SLC1A2: variants seen among roughly 807,000 people sequenced by gnomAD.
SLC1A2 encodes the protein solute carrier family 1 member 2, also known as excitatory amino acid transporter 2.
SLC1A2 carries 15 observed loss-of-function variants against 48.8 expected under a neutral mutation model. The observed-to-expected ratio is 0.31, with a 90% CI of 0.21 to 0.47. The LOEUF (loss-of-function observed/expected upper bound fraction) is 0.47. Ranked by LOEUF, SLC1A2 falls within the 20% of genes least tolerant of loss-of-function variation. The pLI is 0.99. For missense variants in SLC1A2, 502 were observed against 730.5 expected (o/e 0.69, Z 3.61); for synonymous variants, 279 against 272.6 (o/e 1.02, Z -0.23).
chr11:35,304,544 G>C (rs1333901936), intron 5 of SLC1A2, among the ~76,000 whole-genome samples: 1 of 152,096 alleles, frequency 6.6e-6, no homozygotes, highest in African/African-American at 2.4e-5. Context: ...ACCTCCCACT[G>C]GTTGTTAAAC....
At chr11:35,399,070 C>T (rs1855061722) in intron 1 of SLC1A2, among the ~76,000 whole-genome samples, 1 of 152,188 alleles carries the variant, frequency 6.6e-6, no homozygotes, top group African/African-American at 2.4e-5. Context: ...AGTTTATTTG[C>T]ATCAGCCTGC....
In SLC1A2 at chr11:35,363,301, G is replaced by A. The variant is rs114990732; in HGVS notation, c.18-45785C>T. Among the ~76,000 whole-genome samples, 444 of 152,318 alleles carry A rather than the reference G, an allele frequency of 2.9e-3. 1 individual carries two copies. Among genetic ancestry groups the A allele is most frequent in the African/African-American group, 0.01 (417 of 41,580 alleles). ...GACAATTTTGGGGTTGTTCCAGACC[G>A]TGGATGTCTGAGTAGGAGGCAGACA... On this transcript the variant is annotated intron_variant, in intron 1 of 10. Coordinates refer to ENST00000278379, the MANE Select transcript of SLC1A2 (RefSeq NM_004171.4).
At chr11:35,414,960 G>A (rs1179762568) in intron 1 of SLC1A2, among the ~76,000 whole-genome samples, 2 of 152,162 alleles carry the variant, frequency 1.3e-5, no homozygotes, top group Admixed American at 6.5e-5. Context: ...CAGACATCAG[G>A]GCATTGTGTG....
At chr11:35,327,414 T>G (rs1205918225) in intron 1 of SLC1A2, among the ~76,000 whole-genome samples, 1 of 152,202 alleles carries the variant, frequency 6.6e-6, no homozygotes, top group Non-Finnish European at 1.5e-5. Context: ...TGGGAACATG[T>G]AAACATCTCC....
intron 1 of SLC1A2, among the ~76,000 whole-genome samples, chr11:35,350,561 A>G (rs910387461): frequency 1.3e-5 from 2 of 152,232 alleles, no homozygotes; most frequent in Non-Finnish European, 2.9e-5. Context: ...TCTCCAGTCA[A>G]CATATGCTGC....
intron 1 of SLC1A2, among the ~76,000 whole-genome samples, chr11:35,393,888 T>G (rs1263671397): frequency 6.6e-6 from 1 of 152,198 alleles, no homozygotes; most frequent in Non-Finnish European, 1.5e-5. Context: ...TGGGCTTCTT[T>G]CACCCTTTTC....
At chr11:35,349,585 T>C (rs952097506) in intron 1 of SLC1A2, among the ~76,000 whole-genome samples, 3 of 152,232 alleles carry the variant, frequency 2.0e-5, no homozygotes, top group African/African-American at 7.2e-5. Context: ...TTCAGTCCTT[T>C]CGCTGCAGCT....
At chr11:35,331,011 A>G (rs1852408088) in intron 1 of SLC1A2, among the ~76,000 whole-genome samples, 1 of 152,174 alleles carries the variant, frequency 6.6e-6, no homozygotes, top group Non-Finnish European at 1.5e-5. Flanking sequence ...ACACTATCTC[A>G]TTTGTTGTTT....
At chr11:35,282,160 C>T (rs375319563) in intron 8 of SLC1A2, among the ~76,000 whole-genome samples, 43 of 152,206 alleles carry the variant, frequency 2.8e-4, no homozygotes, top group African/African-American at 9.2e-4. Flanking sequence ...CTTGCATAGA[C>T]ACTTGCCCTG....
intron 6 of SLC1A2, 140 bp downstream of exon 6, chr11:35,301,379 C>T: frequency 1.4e-6 from 1 of 717,506 alleles, no homozygotes; most frequent in South Asian, 2.0e-5. Context: ...AAGATATTTT[C>T]ATCCCTTTCT....
intron 8 of SLC1A2, chr11:35,285,892 C>G (rs1170934162): frequency 1.3e-5 from 2 of 152,146 alleles, no homozygotes; most frequent in East Asian, 1.9e-4. Context: ...AGGGATATGA[C>G]ATAAGGCAGA....
At chr11:35,416,941 G>T (rs562472489) in intron 1 of SLC1A2, among the ~76,000 whole-genome samples, 1 of 152,142 alleles carries the variant, frequency 6.6e-6, no homozygotes, top group Non-Finnish European at 1.5e-5. Flanking sequence ...CCCCCAACTC[G>T]GAGTTCCTCA....
At chr11:35,370,674 G>A (rs1854030271) in intron 1 of SLC1A2, among the ~76,000 whole-genome samples, 1 of 152,140 alleles carries the variant, frequency 6.6e-6, no homozygotes, top group South Asian at 2.1e-4. Flanking sequence ...GCAGAGAGGA[G>A]GGCTCAGTGC....
chr11:35,387,821 A>T (rs932412961), intron 1 of SLC1A2, among the ~76,000 whole-genome samples: 1 of 152,330 alleles, frequency 6.6e-6, no homozygotes, highest in South Asian at 2.1e-4. Context: ...AAGTGACAAA[A>T]AAAAACAAAA....
chr11:35,277,833 T>C (rs949820113), intron 9 of SLC1A2, among the ~76,000 whole-genome samples: 4 of 152,246 alleles, frequency 2.6e-5, no homozygotes, highest in Non-Finnish European at 4.4e-5. Context: ...CTCACATTTA[T>C]TGAGCTGCTA....
chr11:35,301,030 A>T (rs1271678724), intron 6 of SLC1A2, among the ~76,000 whole-genome samples: 1 of 152,150 alleles, frequency 6.6e-6, no homozygotes, highest in Admixed American at 6.5e-5. Context: ...GTCTCAAAAA[A>T]ATTACAATAG....
intron 1 of SLC1A2, among the ~76,000 whole-genome samples, chr11:35,376,714 T>G (rs1854244230): frequency 6.6e-6 from 1 of 152,122 alleles, no homozygotes; most frequent in Non-Finnish European, 1.5e-5. Context: ...TGAATAATAA[T>G]TTTTTTTAAG....
At chr11:35,409,845 G>A (rs1342624459) in intron 1 of SLC1A2, among the ~76,000 whole-genome samples, 1 of 152,150 alleles carries the variant, frequency 6.6e-6, no homozygotes, top group Non-Finnish European at 1.5e-5. Flanking sequence ...GGAGGTGGAA[G>A]CTGCAGTGAG....
In SLC1A2 at chr11:35,292,418, C is replaced by G. The variant is rs1057344759; in HGVS notation, c.960G>C (p.Val320=). ...ARQLGMYMVT[V]IIGLIIHGGI... is the part of the protein sequence containing the mutation. ...CCCCGTGGATGATGAGGCCTATGAT[C>G]ACTGTTACCATGTACATCCCCAGTT... Residue 320 remains valine (V), a synonymous_variant, in exon 7 of 11, where the codon GTG becomes GTC. Coordinates refer to ENST00000278379, the MANE Select transcript of SLC1A2 (RefSeq NM_004171.4). The G allele has an allele frequency of 1.2e-6, 2 of 1,613,838 alleles. No individual in the cohort carries two copies. The highest frequency in any genetic ancestry group is 8.5e-7 in the Non-Finnish European group (1 of 1,179,788).
Sources: allele counts gnomAD v4.1 joint callset (sites outside exome capture counted in the v4.1 genomes callset), GRCh38; gene constraint gnomAD v4.1.1; transcripts MANE v1.5; gene names NCBI Gene and HGNC (gene_info 2026-07-23, HGNC 2026-07-21).